CNTNAP2: variants seen among roughly 807,000 people sequenced by gnomAD.
CNTNAP2 encodes contactin-associated protein-like 2.
CNTNAP2 carries 98 observed loss-of-function variants against 155.2 expected under a neutral mutation model. The observed-to-expected ratio is 0.63, with a 90% CI of 0.54 to 0.75. The LOEUF is 0.75. CNTNAP2 is among the 30% of genes least tolerant of loss of function. The probability of loss-of-function intolerance (pLI) is 0.00; values close to 1 mark genes in which losing one functional copy is unlikely to be tolerated. For missense variants in CNTNAP2, 1,727 were observed against 1,688.1 expected (o/e 1.02, Z -0.40); for synonymous variants, 651 against 631.2 (o/e 1.03, Z -0.47).
intron 1 of CNTNAP2, among the ~76,000 whole-genome samples, chr7:146,760,669 C>T (rs1802082225): frequency 1.3e-5 from 2 of 151,874 alleles, no homozygotes; most frequent in South Asian, 4.2e-4. Context: ...AAGCTATCTG[C>T]CTGACTTGTC....
At chr7:148,201,407 A>C (rs760904246) in intron 18 of CNTNAP2, among the ~76,000 whole-genome samples, 12 of 152,162 alleles carry the variant, frequency 7.9e-5, no homozygotes, top group Non-Finnish European at 1.5e-4. Context: ...CCTCATCACC[A>C]TTTTTCTAAT....
At chr7:148,004,831 G>A (rs142314171) in intron 15 of CNTNAP2, among the ~76,000 whole-genome samples, 3 of 152,206 alleles carry the variant, frequency 2.0e-5, no homozygotes, top group Non-Finnish European at 2.9e-5. Context: ...GAAGAAAGGT[G>A]GAGTACCTGA....
intron 3 of CNTNAP2, among the ~76,000 whole-genome samples, chr7:146,920,301 C>G (rs188687504): frequency 6.6e-6 from 1 of 151,932 alleles, no homozygotes; most frequent in Non-Finnish European, 1.5e-5. Flanking sequence ...GTAATCTCAG[C>G]TATTCAGGAG....
intron 1 of CNTNAP2, among the ~76,000 whole-genome samples, chr7:146,681,208 G>A (rs980017311): frequency 6.6e-6 from 1 of 151,320 alleles, no homozygotes; most frequent in South Asian, 2.1e-4. Flanking sequence ...GGTGCAACAA[G>A]TGCTAAGTCA....
At position 147,977,855 on chromosome 7, in the gene CNTNAP2, G is replaced by A. The variant is rs781096057; in HGVS notation, c.2256-7G>A. 2.5e-6 allele frequency: 4 copies of A among 1,613,864 alleles called. No individual in the cohort carries two copies. Among genetic ancestry groups the A allele is most frequent in the Non-Finnish European group, 3.4e-6 (4 of 1,179,970 alleles). On this transcript the variant is annotated splice_polypyrimidine_tract_variant and splice_region_variant and intron_variant, in intron 14 of 23. Coordinates refer to ENST00000361727, the MANE Select transcript of CNTNAP2 (RefSeq NM_014141.6). ...TCATTCTTTTTCTGTCTTTCCCTGT[G>A]ATCCAGGAGGAAGGATGCTGGTTTC...
At chr7:146,925,476 T>C (rs891487565) in intron 3 of CNTNAP2, among the ~76,000 whole-genome samples, 8 of 152,060 alleles carry the variant, frequency 5.3e-5, no homozygotes, top group East Asian at 3.9e-4. Context: ...AGTCAAATGA[T>C]CTATTGTTAT....
Position 148,172,254 on chromosome 7 carries a change from G to T in CNTNAP2, c.2786G>T (p.Gly929Val). The change falls in exon 18 of 24, where the codon GGC (glycine) becomes GTC (valine). Residue 929 changes from glycine to valine, a missense_variant. Transcript: ENST00000361727. ...CTGTCATTCCCAGGTGGTGCTGGGGGCCAGCAGGGCTTCCTGGGCTGCATC... is the reference window on the plus strand; with the variant it reads ...CTGTCATTCCCAGGTGGTGCTGGGGTCCAGCAGGGCTTCCTGGGCTGCATC... ...YSQLFVGGAG[G>V]QQGFLGCIRS... 6.2e-7 allele frequency: 1 copy of T among 1,613,828 alleles called. No homozygotes were observed.
intron 13 of CNTNAP2, among the ~76,000 whole-genome samples, chr7:147,797,329 A>T (rs1001152754): frequency 1.3e-5 from 2 of 152,114 alleles, no homozygotes; most frequent in Admixed American, 6.5e-5. Flanking sequence ...TTTCATGAAT[A>T]CCTGTTTACT....
At chr7:147,928,881 G>A (rs1033704296) in intron 14 of CNTNAP2, among the ~76,000 whole-genome samples, 13 of 151,802 alleles carry the variant, frequency 8.6e-5, no homozygotes, top group African/African-American at 2.9e-4. Context: ...ACCTGAGGTC[G>A]AGAGTTTGAG....
At chr7:146,667,296 A>G (rs1287988883) in intron 1 of CNTNAP2, among the ~76,000 whole-genome samples, 1 of 152,082 alleles carries the variant, frequency 6.6e-6, no homozygotes, top group Admixed American at 6.6e-5. Context: ...GGCTGTAGAT[A>G]CACAGATTAG....
intron 15 of CNTNAP2, among the ~76,000 whole-genome samples, chr7:148,063,275 T>G (rs1803191228): frequency 6.6e-6 from 1 of 152,086 alleles, no homozygotes; most frequent in African/African-American, 2.4e-5. Flanking sequence ...CTTTTAAGAA[T>G]GGCCTTATGA....
intron 11 of CNTNAP2, among the ~76,000 whole-genome samples, chr7:147,493,034 C>T (rs1463418978): frequency 6.6e-6 from 1 of 152,012 alleles, no homozygotes; most frequent in African/African-American, 2.4e-5. Flanking sequence ...CAGAAAATGT[C>T]CTACTTTTAA....
chr7:148,272,686 C>T lies in CNTNAP2; in HGVS notation c.3475+5560C>T, dbSNP rs558018330. Among the ~76,000 whole-genome samples the T allele has an allele frequency of 1.6e-4, 25 of 152,038 alleles. No homozygotes were observed. In the East Asian group the frequency reaches 4.4e-3, roughly 27 times the overall value. On this transcript the variant is annotated intron_variant, in intron 21 of 23. Coordinates refer to ENST00000361727, the MANE Select transcript of CNTNAP2 (RefSeq NM_014141.6). Reference sequence around the variant, plus strand: ...CACCTAAATAGAAGATGGGAGACCCCCAGCATCATGAAAAAACTTAGGAAA... The same window carrying T: ...CACCTAAATAGAAGATGGGAGACCCTCAGCATCATGAAAAAACTTAGGAAA...
intron 21 of CNTNAP2, among the ~76,000 whole-genome samples, chr7:148,341,485 G>C (rs1798234512): frequency 6.6e-6 from 1 of 151,986 alleles, no homozygotes; most frequent in South Asian, 2.1e-4. Context: ...ATTAAGTATT[G>C]ATATTGTCCC....
intron 1 of CNTNAP2, 195 bp downstream of exon 1, chr7:146,117,168 G>A: frequency 1.7e-6 from 1 of 586,924 alleles, no homozygotes; most frequent in South Asian, 2.1e-5. Context: ...AGACAGGGTT[G>A]TGACGCTGGT....
At chr7:146,240,053 T>C (rs1799534487) in intron 1 of CNTNAP2, among the ~76,000 whole-genome samples, 1 of 152,234 alleles carries the variant, frequency 6.6e-6, no homozygotes, top group Non-Finnish European at 1.5e-5. Flanking sequence ...ATTTTATCCA[T>C]TGTAATAAAG....
intron 1 of CNTNAP2, among the ~76,000 whole-genome samples, chr7:146,438,190 G>A (rs557525734): frequency 2.6e-5 from 4 of 151,172 alleles, no homozygotes; most frequent in East Asian, 3.9e-4. Context: ...TGTGCAATTC[G>A]TATCATATAA....
intron 18 of CNTNAP2, among the ~76,000 whole-genome samples, chr7:148,185,245 A>G (rs759156965): frequency 1.2e-4 from 19 of 152,200 alleles, no homozygotes; most frequent in Non-Finnish European, 2.8e-4. Flanking sequence ...TAGTCAGCCA[A>G]CCCTTGAATG....
intron 12 of CNTNAP2, among the ~76,000 whole-genome samples, chr7:147,623,427 C>T (rs185337477): frequency 5.3e-5 from 8 of 152,106 alleles, no homozygotes; most frequent in Non-Finnish European, 1.0e-4. Context: ...ACAAAATCAA[C>T]ATACAAAAAC....
Sources: gnomAD v4.1 joint callset for allele counts (sites outside exome capture counted in the v4.1 genomes callset) on GRCh38, gnomAD v4.1.1 for gene constraint, MANE v1.5 for transcripts, NCBI Gene and HGNC (gene_info 2026-07-23, HGNC 2026-07-21) for gene names.